The following PLAAT2 variants were observed in gnomAD, a reference collection of about 807,000 sequenced individuals.
The protein encoded by PLAAT2 is HRAS like suppressor 2.
In PLAAT2, 12 loss-of-function variants were observed where a neutral mutation model predicts 12.8. That is an observed-to-expected ratio of 0.94 (90% CI 0.60 to 1.52). The LOEUF (loss-of-function observed/expected upper bound fraction) is 1.52. Among genes scored for constraint, PLAAT2 ranks in the 40% most tolerant of loss-of-function variants. The pLI is 0.00. For synonymous variants in PLAAT2, 79 were observed against 86.8 expected (o/e 0.91, Z 0.50); for missense variants, 166 against 208.1 (o/e 0.80, Z 1.24).
At chr11:63,563,275 T>G in intron 1 of PLAAT2, 41 bp downstream of exon 1, 1 of 1,613,092 alleles carries the variant, frequency 6.2e-7, no homozygotes, top group Non-Finnish European at 8.5e-7. Context: ...AGGGTGGTTG[T>G]TCCTCAAATC....
intron 3 of PLAAT2, 30 bp from the exon 4 acceptor site, chr11:63,553,095 C>A: frequency 6.8e-7 from 1 of 1,471,264 alleles, no homozygotes; most frequent in South Asian, 1.1e-5. Context: ...AGAGCACACT[C>A]AGCATCAGGG....
At chr11:63,564,987 G>T (rs774766197), upstream of PLAAT2, among the ~76,000 whole-genome samples, 3 of 152,078 alleles carry the variant, frequency 2.0e-5, no homozygotes, top group African/African-American at 4.8e-5. Context: ...GCTTTTCACC[G>T]AATCCAAGCT....
Position 63,563,371 on chromosome 11 carries a change from C to T in PLAAT2, c.-47G>A. 6.2e-7 allele frequency: 1 copy of T among 1,613,364 alleles called. No homozygotes were observed. The highest frequency in any genetic ancestry group is 8.5e-7 in the Non-Finnish European group (1 of 1,179,372). On this transcript the variant is annotated 5_prime_UTR_variant, in exon 1 of 4. Transcript: ENST00000255695. Reference sequence around the variant, plus strand: ...TGTGTGTTGCTGACTCTGTGTCCAGCCTTAAATTAGCTCTGAGTTTCACTT... The same window carrying T: ...TGTGTGTTGCTGACTCTGTGTCCAGTCTTAAATTAGCTCTGAGTTTCACTT...
At chr11:63,561,873 A>T (rs1040793262) in intron 1 of PLAAT2, among the ~76,000 whole-genome samples, 4 of 152,162 alleles carry the variant, frequency 2.6e-5, no homozygotes, top group African/African-American at 2.4e-5. Flanking sequence ...CATCAAAAAA[A>T]AATAATAAAA....
At chr11:63,559,372 G>A (rs2017497396) in intron 2 of PLAAT2, among the ~76,000 whole-genome samples, 1 of 152,074 alleles carries the variant, frequency 6.6e-6, no homozygotes, top group Non-Finnish European at 1.5e-5. Flanking sequence ...CAGTAGGTGA[G>A]GGTGGCATTT....
intron 1 of PLAAT2, among the ~76,000 whole-genome samples, chr11:63,562,073 TACA>T (rs2017524245): frequency 6.6e-6 from 1 of 152,110 alleles, no homozygotes; most frequent in Admixed American, 6.5e-5. Flanking sequence ...AATTTAAAAC[TACA>T]ACAAACCCCA....
upstream of PLAAT2, among the ~76,000 whole-genome samples, chr11:63,564,513 G>A (rs1393522585): frequency 6.6e-6 from 1 of 152,144 alleles, no homozygotes; most frequent in Non-Finnish European, 1.5e-5. Context: ...ACTGGAGCCA[G>A]AACTGGAAAA....
At chr11:63,560,028 C>A (rs1218872746) in intron 2 of PLAAT2, 57 bp downstream of exon 2, 21 of 1,168,108 alleles carry the variant, frequency 1.8e-5, no homozygotes, top group Non-Finnish European at 2.5e-5. Flanking sequence ...CGTAACTGTG[C>A]ATCTCTTCAC....
chr11:63,562,609 T>A (rs1160460622), intron 1 of PLAAT2, among the ~76,000 whole-genome samples: 1 of 152,230 alleles, frequency 6.6e-6, no homozygotes, highest in African/African-American at 2.4e-5. Context: ...CCCCTCTCTA[T>A]ACTTACCAGT....
upstream of PLAAT2, chr11:63,563,502 A>G (rs942905536): frequency 1.0e-4 from 67 of 643,128 alleles, 1 homozygote; most frequent in East Asian, 2.0e-3. Context: ...GAGGATCACA[A>G]GGTCAGGAGA....
At chr11:63,561,828 A>G (rs569857679) in intron 1 of PLAAT2, among the ~76,000 whole-genome samples, 3 of 152,156 alleles carry the variant, frequency 2.0e-5, no homozygotes, top group African/African-American at 7.2e-5. Flanking sequence ...TAGAGGGGTC[A>G]AGAGTCAACT....
At chr11:63,557,729 A>C (rs9943597) in intron 3 of PLAAT2, among the ~76,000 whole-genome samples, 68,595 of 151,916 alleles carry the variant, frequency 0.45, 16,219 homozygotes, top group East Asian at 0.9. Flanking sequence ...AAGACAGAGA[A>C]CACCTGGCCC....
chr11:63,560,586 A>G (rs1380842296), intron 1 of PLAAT2, among the ~76,000 whole-genome samples: 1 of 152,222 alleles, frequency 6.6e-6, no homozygotes, highest in Non-Finnish European at 1.5e-5. Flanking sequence ...ACCTGCCATG[A>G]GCCTGGGCCC....
At chr11:63,558,272 C>A in intron 3 of PLAAT2, 120 bp downstream of exon 3, 1 of 1,094,856 alleles carries the variant, frequency 9.1e-7, no homozygotes, top group Non-Finnish European at 1.3e-6. Context: ...AGTTTCATAT[C>A]TGCTATTTTG....
chr11:63,558,725 C>A (rs1465884298), intron 2 of PLAAT2, 65 bp from the exon 3 acceptor site: 2 of 1,566,920 alleles, frequency 1.3e-6, no homozygotes, highest in Non-Finnish European at 1.7e-6. Context: ...AGCCAAGCAG[C>A]CTCATCGCCC....
At position 63,561,315 on chromosome 11, in the gene PLAAT2, G is replaced by C. The variant is rs368911837; in HGVS notation, c.10-1122C>G. ...AATCATACAACGGACTCTGAAGACT[G>C]AGGGAAAAGGGTGGGAGTGGGTGAG... On this transcript the variant is annotated intron_variant, in intron 1 of 3. Transcript: ENST00000255695. Among the ~76,000 whole-genome samples, 80 of 152,246 alleles carry C rather than the reference G, an allele frequency of 5.3e-4. 1 individual carries two copies. The South Asian group carries it at 0.016, about 31-fold the overall frequency.
intron 3 of PLAAT2, among the ~76,000 whole-genome samples, chr11:63,555,974 C>A (rs2017462549): frequency 6.6e-6 from 1 of 152,208 alleles, no homozygotes; most frequent in African/African-American, 2.4e-5. Context: ...ATGGTAAATT[C>A]TCCTGGCAGC....
chr11:63,559,729 T>C (rs767763382), intron 2 of PLAAT2, among the ~76,000 whole-genome samples: 8 of 140,858 alleles, frequency 5.7e-5, no homozygotes, highest in Non-Finnish European at 1.2e-4. Flanking sequence ...CCTTCCGTTA[T>C]ACTATGTGCT....
chr11:63,558,346 G>A, intron 3 of PLAAT2, 46 bp downstream of exon 3: 2 of 1,600,400 alleles, frequency 1.2e-6, no homozygotes, highest in Non-Finnish European at 1.7e-6. Context: ...TGGCAGCTGA[G>A]GGAGTGGCCT....
Sources: gnomAD v4.1 joint callset for allele counts (sites outside exome capture counted in the v4.1 genomes callset) on GRCh38, gnomAD v4.1.1 for gene constraint, MANE v1.5 for transcripts, NCBI Gene and HGNC (gene_info 2026-07-23, HGNC 2026-07-21) for gene names.